NUP188: variants seen among roughly 807,000 people sequenced by gnomAD.
The protein encoded by NUP188 is nucleoporin NUP188.
Under a neutral mutation model 223.0 loss-of-function variants are expected in NUP188, and 97 were observed. The observed-to-expected ratio is 0.43, with a 90% CI of 0.37 to 0.51. The LOEUF is 0.51. Ranked by LOEUF, NUP188 falls within the 20% of genes least tolerant of loss-of-function variation. The probability of loss-of-function intolerance (pLI) is 0.00; values close to 1 mark genes in which losing one functional copy is unlikely to be tolerated. For missense variants in NUP188, 1,947 were observed against 2,175.6 expected, an observed-to-expected ratio of 0.89 and a Z score of 2.09; for synonymous variants, 869 against 828.0, an observed-to-expected ratio of 1.05 and a Z score of -0.85.
chr9:129,007,030 T>C lies in NUP188; in HGVS notation c.*352T>C. 1 of 214,168 alleles carries C rather than the reference T, an allele frequency of 4.7e-6. No individual in the cohort carries two copies. The highest frequency in any genetic ancestry group is 9.2e-6 in the Non-Finnish European group (1 of 108,948). The allele number at this position is 214,168 out of a possible 1,614,324, so 13.3% of individuals were successfully genotyped here. On this transcript the variant is annotated 3_prime_UTR_variant, in exon 44 of 44. Coordinates refer to ENST00000372577, the MANE Select transcript of NUP188 (RefSeq NM_015354.3). ...CGGGTTTCAAACCTGTTTTCCACAC[T>C]CTGTCTTTGCAGTTTTGGTAATTCT...
chr9:128,978,345 C>T (rs550799546), intron 12 of NUP188, among the ~76,000 whole-genome samples: 2 of 151,842 alleles, frequency 1.3e-5, no homozygotes, highest in African/African-American at 2.4e-5. Context: ...GGGCGGATCA[C>T]GAGGTCAGGA....
intron 29 of NUP188, 36 bp from the exon 30 acceptor site, chr9:128,995,283 C>G (rs1564564763): frequency 6.4e-7 from 1 of 1,559,384 alleles, no homozygotes; most frequent in Non-Finnish European, 8.8e-7. Context: ...CATCTGCTTT[C>G]AAAATCTAAC....
chr9:128,979,172 T>G, intron 12 of NUP188, 90 bp from the exon 13 acceptor site: 2 of 914,424 alleles, frequency 2.2e-6, no homozygotes, highest in Non-Finnish European at 1.7e-6. Flanking sequence ...TATTGGTGTT[T>G]TGGTGTTTTT....
At chr9:128,991,071 A>G (rs1416772579) in intron 25 of NUP188, among the ~76,000 whole-genome samples, 1 of 152,170 alleles carries the variant, frequency 6.6e-6, no homozygotes, top group African/African-American at 2.4e-5. Flanking sequence ...TTTAAATGTT[A>G]CAAATAGATG....
intron 16 of NUP188, 99 bp downstream of exon 16, chr9:128,982,800 A>G (rs1220540218): frequency 3.1e-6 from 5 of 1,588,550 alleles, no homozygotes; most frequent in Admixed American, 1.7e-5. Flanking sequence ...TAGAACCATC[A>G]AGATTGTGAT....
chr9:129,000,991 C>T (rs542418003), intron 34 of NUP188, among the ~76,000 whole-genome samples: 6 of 152,162 alleles, frequency 3.9e-5, no homozygotes, highest in Admixed American at 1.3e-4. Flanking sequence ...GAGCCGAGAT[C>T]GCGCCGCTGC....
At chr9:128,955,143 G>A (rs1251721254) in intron 3 of NUP188, among the ~76,000 whole-genome samples, 1 of 148,938 alleles carries the variant, frequency 6.7e-6, no homozygotes, top group Non-Finnish European at 1.5e-5. Context: ...GAGCCACCAC[G>A]CCTGGCCAAG....
intron 25 of NUP188, 41 bp from the exon 26 acceptor site, chr9:128,993,156 G>A: frequency 3.2e-6 from 5 of 1,559,442 alleles, no homozygotes; most frequent in Non-Finnish European, 4.4e-6. Context: ...AGGTTTTTGT[G>A]GAAGCAGAGC....
In NUP188 at chr9:128,993,246, T is replaced by C. The variant is rs942499960; in HGVS notation, c.2690T>C (p.Ile897Thr). The C allele has an allele frequency of 1.5e-5, 24 of 1,614,090 alleles. No homozygotes were observed. Among genetic ancestry groups the C allele is most frequent in the Non-Finnish European group, 1.9e-5 (23 of 1,180,036 alleles). ...YACLGNDAAA[I>T]RDAFLTRLQS... The stretch of plus-strand genomic sequence containing the variant: ...TGTCTGGGCAATGATGCGGCTGCCA[T>C]TCGTGATGCCTTCCTGACCCGATTG... Residue 897 changes from isoleucine to threonine, a missense_variant, in exon 26 of 44, where the codon ATT becomes ACT. Around this residue, in one of 3 missense-constraint regions of NUP188, gnomAD observed 225 missense variants for 319.1 expected, o/e 0.71. Transcript: ENST00000372577.
At chr9:128,961,585 T>TAGATAGATAGATAG (rs1564551915) in intron 8 of NUP188, among the ~76,000 whole-genome samples, 9 of 123,008 alleles carry the variant, frequency 7.3e-5, no homozygotes, top group African/African-American at 3.9e-4. Flanking sequence ...TATCTATCTA[T>TAGATAGATAGATAG]CTATCTAGAT....
chr9:128,987,064 T>TGAGAGAGAGA (rs137999231), intron 22 of NUP188, among the ~76,000 whole-genome samples, 189 bp downstream of exon 22: 86 of 111,050 alleles, frequency 7.7e-4, no homozygotes, highest in Admixed American at 1.4e-3. Context: ...GAAGTAGGAA[T>TGAGAGAGAGA]GAGAGAGAGA....
chr9:128,978,369 C>G (rs1052993421), intron 12 of NUP188, among the ~76,000 whole-genome samples: 1 of 151,948 alleles, frequency 6.6e-6, no homozygotes, highest in African/African-American at 2.4e-5. Context: ...CGAGACCATC[C>G]TGGCTAACAT....
chr9:128,978,180 G>C (rs1008979289), intron 12 of NUP188, among the ~76,000 whole-genome samples: 1 of 152,064 alleles, frequency 6.6e-6, no homozygotes, highest in Non-Finnish European at 1.5e-5. Flanking sequence ...AGGCTGCAGT[G>C]AGCTATGATG....
At chr9:128,967,167 C>G (rs1165136928) in intron 8 of NUP188, among the ~76,000 whole-genome samples, 1 of 152,070 alleles carries the variant, frequency 6.6e-6, no homozygotes, top group Non-Finnish European at 1.5e-5. Context: ...ACCTCTATGC[C>G]TGGCTCATTT....
At chr9:128,957,917 A>C (rs1408022484) in intron 5 of NUP188, 93 bp from the exon 6 acceptor site, 10 of 931,588 alleles carry the variant, frequency 1.1e-5, no homozygotes, top group Non-Finnish European at 1.7e-5. Context: ...TGCAATTATA[A>C]TCTTGAAGGA....
intron 8 of NUP188, among the ~76,000 whole-genome samples, chr9:128,961,622 ATTT>A (rs1554828110): frequency 7.5e-6 from 1 of 133,952 alleles, no homozygotes. Flanking sequence ...AGATAGATAG[ATTT>A]TTTTTTTTTT....
intron 12 of NUP188, 55 bp downstream of exon 12, chr9:128,973,304 C>A: frequency 1.6e-6 from 2 of 1,233,582 alleles, no homozygotes; most frequent in South Asian, 1.2e-5. Context: ...GCAATCAAGT[C>A]CCAAAAATAT....
intron 5 of NUP188, among the ~76,000 whole-genome samples, chr9:128,957,672 G>A (rs927702905): frequency 2.6e-5 from 4 of 152,006 alleles, no homozygotes; most frequent in Non-Finnish European, 5.9e-5. Flanking sequence ...CACCGTGTTA[G>A]CCAGGATGGT....
rs746903167 is a variant in NUP188, at chr9:128,983,244, C to T, written c.1797-49C>T. The T allele has an allele frequency of 1.6e-4, 238 of 1,521,770 alleles. 2 individuals carry two copies. The South Asian group carries it at 2.5e-3, about 16-fold the overall frequency. The allele number at this position is 1,521,770 out of a possible 1,614,324, so 94.3% of individuals were successfully genotyped here. ...AGTGGAAAAATGTTTGTGAGGGAAC[C>T]AGTTGTATTATTTGCTTTATTGAGT... On this transcript the variant is annotated intron_variant, in intron 17 of 43. Transcript: ENST00000372577.
Sources: allele counts gnomAD v4.1 joint callset (sites outside exome capture counted in the v4.1 genomes callset), GRCh38; gene constraint gnomAD v4.1.1; regional missense constraint gnomAD v4.1.1; transcripts MANE v1.5; gene names NCBI Gene and HGNC (gene_info 2026-07-23, HGNC 2026-07-21).